The following TMPRSS3 variants were observed in gnomAD, a reference collection of about 807,000 sequenced individuals.
The protein encoded by TMPRSS3 is transmembrane serine protease 3.
TMPRSS3 carries 55 observed loss-of-function variants against 59.6 expected under a neutral mutation model. The ratio of observed to expected loss-of-function variants is 0.92; its 90% CI spans 0.74 to 1.16. The LOEUF (loss-of-function observed/expected upper bound fraction) is 1.16. Ranked by LOEUF, TMPRSS3 falls within the 50% of genes most tolerant of loss-of-function variation. The pLI is 0.00. For missense variants in TMPRSS3, 596 were observed against 579.4 expected, an observed-to-expected ratio of 1.03 and a Z score of -0.29; for synonymous variants, 257 against 237.7, an observed-to-expected ratio of 1.08 and a Z score of -0.75.
At position 42,385,409 on chromosome 21, in the gene TMPRSS3, C is replaced by T. The variant is rs1229223056; in HGVS notation, c.572G>A (p.Arg191Lys). ...VTALHHSVYV[R>K]EGCASGHVVT... Reference sequence around the variant, plus strand: ...ACAACAGCATCGCCTGACCACCTACCTCACATATACTGAGTGGTGTAATGC... The same window carrying T: ...ACAACAGCATCGCCTGACCACCTACTTCACATATACTGAGTGGTGTAATGC... The change falls in exon 6 of 13, where the codon AGG (arginine) becomes AAG (lysine). Residue 191 changes from arginine to lysine, a missense_variant and splice_region_variant. Physicochemically the swap from Arg to Lys is conservative, Grantham distance 26 (BLOSUM62 2). Coordinates refer to ENST00000644384, the MANE Select transcript of TMPRSS3 (RefSeq NM_001256317.3). 1.2e-6 allele frequency: 2 copies of T among 1,613,866 alleles called. No homozygotes were observed. The highest frequency in any genetic ancestry group is 1.7e-5 in the Admixed American group (1 of 59,998).
chr21:42,395,669 CAA>C (rs138713556), intron 1 of TMPRSS3: 12,598 of 233,942 alleles, frequency 0.054, 4 homozygotes, highest in South Asian at 0.089. Flanking sequence ...CTAGAATTAG[CAA>C]AAAAAAAAAA....
intron 10 of TMPRSS3, 110 bp downstream of exon 10, chr21:42,380,007 G>A (rs894145952): frequency 2.2e-6 from 2 of 894,920 alleles, no homozygotes; most frequent in Non-Finnish European, 3.6e-6. Flanking sequence ...CCTGGCCGGG[G>A]TATCTGGGCA....
rs2052669669 is a variant in TMPRSS3, at chr21:42,388,340, GTCTT to G, written c.446+59_446+62del. The G allele has an allele frequency of 1.2e-6, 2 of 1,611,706 alleles. No individual in the cohort carries two copies. Among genetic ancestry groups the G allele is most frequent in the Non-Finnish European group, 1.7e-6 (2 of 1,177,948 alleles). ...AATAGTGCCCAACTAAATGGTAGTT[GTCTT>G]TCTTTATTGTTATCCTCTCTGTGTT... On this transcript the variant is annotated intron_variant, in intron 5 of 12. Coordinates refer to ENST00000644384, the MANE Select transcript of TMPRSS3 (RefSeq NM_001256317.3). The surrounding 1 kb of genome is among the most constrained non-coding windows in gnomAD (Gnocchi z 5.1).
At chr21:42,375,361 G>A (rs1219256844) in intron 12 of TMPRSS3, among the ~76,000 whole-genome samples, 2 of 127,392 alleles carry the variant, frequency 1.6e-5, no homozygotes, top group Non-Finnish European at 3.3e-5. Context: ...TCAGCCCCCC[G>A]CCCCCTCCCA....
chr21:42,386,810 G>C (rs929755328), intron 5 of TMPRSS3, among the ~76,000 whole-genome samples: 1 of 151,358 alleles, frequency 6.6e-6, no homozygotes, highest in Non-Finnish European at 1.5e-5. Context: ...ATTTATTTTT[G>C]AATCACAGAT....
intron 10 of TMPRSS3, among the ~76,000 whole-genome samples, chr21:42,378,058 TTGG>T (rs2052460420): frequency 6.6e-6 from 1 of 152,176 alleles, no homozygotes; most frequent in Non-Finnish European, 1.5e-5. Context: ...GGAGCGTAGA[TTGG>T]TGTCCCAGCT....
Position 42,372,486 on chromosome 21 carries a change from G to A in TMPRSS3, c.*276C>T, listed in dbSNP as rs750613856. 1.7e-6 allele frequency: 1 copy of A among 605,874 alleles called. No homozygotes were observed. The highest frequency in any genetic ancestry group is 1.5e-5 in the South Asian group (1 of 65,834). 37.5% of individuals were successfully genotyped at this position (605,874 alleles called of 1,614,324 possible). On this transcript the variant is annotated 3_prime_UTR_variant, in exon 13 of 13. Transcript: ENST00000644384. The stretch of plus-strand genomic sequence containing the variant: ...GAGGCAAGAGAATCGCTTGAACCAG[G>A]GAAGCGGAGGCTGCAGTGAGCAGGG...
rs2146439459 is a variant in TMPRSS3, at chr21:42,384,503, C to G, written c.573-490G>C. On this transcript the variant is annotated intron_variant, in intron 6 of 12. Coordinates refer to ENST00000644384, the MANE Select transcript of TMPRSS3 (RefSeq NM_001256317.3). ...GCCCCAAAATTGACACTCCTACCCC[C>G]ACCCCCACACACAGGTGGAGACCAG... is the stretch of plus-strand genomic sequence containing the variant. Among the ~76,000 whole-genome samples the G allele has an allele frequency of 3.9e-5, 6 of 152,348 alleles. 1 individual carries two copies. The highest frequency in any genetic ancestry group is 3.3e-4 in the Admixed American group (5 of 15,306).
At chr21:42,375,302 C>A (rs749114867) in intron 12 of TMPRSS3, among the ~76,000 whole-genome samples, 52 of 149,742 alleles carry the variant, frequency 3.5e-4, no homozygotes, top group Non-Finnish European at 6.5e-4. Context: ...TGGCTCCCAG[C>A]GAGGTTCCAG....
intron 9 of TMPRSS3, among the ~76,000 whole-genome samples, chr21:42,381,090 G>A (rs1259810647): frequency 6.6e-6 from 1 of 152,192 alleles, no homozygotes; most frequent in South Asian, 2.1e-4. Flanking sequence ...CTCAGGTCAG[G>A]ATTCTGCTTC....
At chr21:42,372,800 G>T in intron 12 of TMPRSS3, 21 bp from the exon 13 acceptor site, 3 of 1,613,930 alleles carry the variant, frequency 1.9e-6, no homozygotes, top group Non-Finnish European at 2.5e-6. Context: ...AAACAAAGGC[G>T]TTATTGTTTT....
chr21:42,389,524 C>T (rs2052697859), intron 3 of TMPRSS3, among the ~76,000 whole-genome samples: 1 of 152,252 alleles, frequency 6.6e-6, no homozygotes, highest in African/African-American at 2.4e-5. Flanking sequence ...GACCCTCCAT[C>T]CAAATGACCC....
Position 42,372,424 on chromosome 21 carries a change from G to C in TMPRSS3, c.*338C>G. 3 of 510,260 alleles carry C rather than the reference G, an allele frequency of 5.9e-6. No homozygotes were observed. Among genetic ancestry groups the C allele is most frequent in the Non-Finnish European group, 7.6e-6 (2 of 264,472 alleles). The allele number at this position is 510,260 out of a possible 1,614,324, so 31.6% of individuals were successfully genotyped here. On this transcript the variant is annotated 3_prime_UTR_variant, in exon 13 of 13. Transcript: ENST00000644384. ...AAAATACAAAAATTAGTTGGGTGTGGTGGCGGGCACCTGTGGTCCCAGCTA... is the reference window on the plus strand; with the variant it reads ...AAAATACAAAAATTAGTTGGGTGTGCTGGCGGGCACCTGTGGTCCCAGCTA...
rs778803206 is a variant in TMPRSS3 at position 42,371,934 on chromosome 21, G to A, written c.*828C>T. The A allele has an allele frequency of 2.6e-5, 12 of 454,520 alleles. No individual in the cohort carries two copies. The highest frequency in any genetic ancestry group is 9.3e-5 in the South Asian group (6 of 64,480). 28.2% of individuals were successfully genotyped at this position (454,520 alleles called of 1,614,324 possible). A position where few individuals can be genotyped will look rare whatever the true frequency, so the allele number is the denominator to read the frequency against. ...ATTTGGAATCAAAGGACAATAATAC[G>A]TCAAGCACCAAATGCTACAAAGAAA... On this transcript the variant is annotated 3_prime_UTR_variant, in exon 13 of 13. Coordinates refer to ENST00000644384, the MANE Select transcript of TMPRSS3 (RefSeq NM_001256317.3).
intron 6 of TMPRSS3, among the ~76,000 whole-genome samples, chr21:42,384,580 T>C (rs1389971864): frequency 2.0e-5 from 3 of 152,240 alleles, no homozygotes; most frequent in Non-Finnish European, 2.9e-5. Flanking sequence ...ATCTTTGTAA[T>C]GTTTTCTGCC....
chr21:42,378,651 G>A (rs1003537258), intron 10 of TMPRSS3, among the ~76,000 whole-genome samples: 2 of 152,152 alleles, frequency 1.3e-5, no homozygotes, highest in African/African-American at 2.4e-5. Flanking sequence ...AGGGGTCAGA[G>A]CCTCCAGGAA....
intron 2 of TMPRSS3, among the ~76,000 whole-genome samples, chr21:42,392,245 A>ATT (rs2052743269): frequency 6.6e-6 from 1 of 152,010 alleles, no homozygotes; most frequent in African/African-American, 2.4e-5. Context: ...GGAGTGTGAT[A>ATT]ATGAAATGAT....
rs909911138 is a variant in TMPRSS3 at position 42,371,952 on chromosome 21, C to G, written c.*810G>C. On this transcript the variant is annotated 3_prime_UTR_variant, in exon 13 of 13. Transcript: ENST00000644384. Reference sequence around the variant, plus strand: ...ATAATACGTCAAGCACCAAATGCTACAAAGAAATCATGAAAATAGGCCTTA... The same window carrying G: ...ATAATACGTCAAGCACCAAATGCTAGAAAGAAATCATGAAAATAGGCCTTA... 4.4e-6 allele frequency: 2 copies of G among 454,508 alleles called. No homozygotes were observed. The highest frequency in any genetic ancestry group is 4.0e-5 in the African/African-American group (2 of 49,990). The allele number at this position is 454,508 out of a possible 1,614,324, so 28.2% of individuals were successfully genotyped here.
chr21:42,376,459 G>A (rs1601515579), intron 11 of TMPRSS3, 82 bp downstream of exon 11: 2 of 1,587,766 alleles, frequency 1.3e-6, no homozygotes, highest in East Asian at 4.5e-5. Flanking sequence ...TTTTTGTCCT[G>A]TCACAGGGAA....
Sources: gnomAD v4.1 joint callset for allele counts (sites outside exome capture counted in the v4.1 genomes callset) on GRCh38, gnomAD v4.1.1 for gene constraint, Gnocchi (gnomAD v3.1) non-coding constraint, MANE v1.5 for transcripts, NCBI Gene and HGNC (gene_info 2026-07-23, HGNC 2026-07-21) for gene names.